Variants in GRIP1 observed in about 807,000 individuals in gnomAD.
GRIP1 encodes the protein glutamate receptor-interacting protein 1.
Under a neutral mutation model 129.9 loss-of-function variants are expected in GRIP1, and 45 were observed. The observed-to-expected ratio is 0.35, with a 90% confidence interval of 0.27 to 0.44. The LOEUF (loss-of-function observed/expected upper bound fraction) is 0.44. Ranked by LOEUF, GRIP1 falls within the 20% of genes least tolerant of loss-of-function variation. The pLI, the probability that GRIP1 is intolerant of heterozygous loss-of-function variation, is 1.00. For synonymous variants in GRIP1, 530 were observed against 520.8 expected, an observed-to-expected ratio of 1.02 and a Z score of -0.24; for missense variants, 1,196 against 1,396.8, an observed-to-expected ratio of 0.86 and a Z score of 2.29.
At chr12:66,779,883 T>A (rs1246835874) in intron 1 of GRIP1, among the ~76,000 whole-genome samples, 1 of 152,226 alleles carries the variant, frequency 6.6e-6, no homozygotes, top group Admixed American at 6.5e-5. Context: ...AAAATGATAT[T>A]TGCATATTAA....
chr12:66,935,957 T>C (rs552011719), intron 1 of GRIP1, among the ~76,000 whole-genome samples: 2 of 152,312 alleles, frequency 1.3e-5, no homozygotes, highest in South Asian at 2.1e-4. Flanking sequence ...GATTCAAATA[T>C]AGAAGTACAG....
intron 5 of GRIP1, among the ~76,000 whole-genome samples, chr12:66,524,373 C>T (rs1410907397): frequency 1.3e-5 from 2 of 152,188 alleles, no homozygotes; most frequent in African/African-American, 4.8e-5. Flanking sequence ...GATTAAGAAA[C>T]TCACTCAAAA....
At chr12:66,916,812 C>T (rs1422822822) in intron 1 of GRIP1, among the ~76,000 whole-genome samples, 1 of 152,112 alleles carries the variant, frequency 6.6e-6, no homozygotes, top group African/African-American at 2.4e-5. Flanking sequence ...TTGTATTATA[C>T]TCTTTTGCCT....
chr12:66,776,148 G>C (rs574662814), intron 1 of GRIP1, among the ~76,000 whole-genome samples: 5 of 152,200 alleles, frequency 3.3e-5, no homozygotes, highest in Non-Finnish European at 7.3e-5. Context: ...AGATGCCCAA[G>C]GCTACAGGCC....
intron 1 of GRIP1, among the ~76,000 whole-genome samples, chr12:66,902,571 C>T (rs780856952): frequency 7.2e-5 from 11 of 152,276 alleles, no homozygotes; most frequent in Non-Finnish European, 1.3e-4. Context: ...TGAAAACTGC[C>T]AGTTTCATTC....
intron 1 of GRIP1, among the ~76,000 whole-genome samples, chr12:66,754,358 T>G (rs2037218981): frequency 6.6e-6 from 1 of 152,218 alleles, no homozygotes; most frequent in African/African-American, 2.4e-5. Flanking sequence ...TTTGTAAGTC[T>G]TATGTGCCCA....
chr12:66,522,843 T>C (rs910115372), intron 5 of GRIP1, among the ~76,000 whole-genome samples: 1 of 152,096 alleles, frequency 6.6e-6, no homozygotes, highest in South Asian at 2.1e-4. Flanking sequence ...AAGGAGCTGA[T>C]GGAGCTGAAA....
At chr12:66,946,803 T>TG (rs1160685222) in intron 1 of GRIP1, among the ~76,000 whole-genome samples, 45 of 6,220 alleles carry the variant, frequency 7.2e-3, no homozygotes, top group African/African-American at 0.02. Context: ...GTGTGGGGGC[T>TG]GGGGGGGGCG....
At chr12:66,718,233 A>G (rs573115730) in intron 1 of GRIP1, among the ~76,000 whole-genome samples, 1 of 152,166 alleles carries the variant, frequency 6.6e-6, no homozygotes, top group African/African-American at 2.4e-5. Context: ...TCACCACTGG[A>G]TACATAAGTT....
chr12:66,374,310 C>T (rs1377464216), intron 22 of GRIP1, among the ~76,000 whole-genome samples: 1 of 152,076 alleles, frequency 6.6e-6, no homozygotes, highest in Non-Finnish European at 1.5e-5. Flanking sequence ...GCCTCAGCCT[C>T]CCAAGTAGCT....
intron 1 of GRIP1, among the ~76,000 whole-genome samples, chr12:67,030,293 T>C (rs2043003888): frequency 6.6e-6 from 1 of 151,398 alleles, no homozygotes; most frequent in African/African-American, 2.4e-5. Context: ...CCCTAAGACA[T>C]CAGAAAATTA....
chr12:66,977,170 C>A (rs2042164705), intron 1 of GRIP1, among the ~76,000 whole-genome samples: 1 of 150,352 alleles, frequency 6.7e-6, no homozygotes. Context: ...TTAGCATTCC[C>A]AAATCTGCCA....
At chr12:66,908,212 A>G (rs530307284) in intron 1 of GRIP1, among the ~76,000 whole-genome samples, 1 of 152,312 alleles carries the variant, frequency 6.6e-6, no homozygotes, top group South Asian at 2.1e-4. Flanking sequence ...TCTCAAAACC[A>G]ACAAGATGAG....
At chr12:66,712,566 C>T (rs371209301) in intron 1 of GRIP1, among the ~76,000 whole-genome samples, 28 of 152,026 alleles carry the variant, frequency 1.8e-4, no homozygotes, top group African/African-American at 6.0e-4. Flanking sequence ...TTGGCATAAA[C>T]ATTAAATGAA....
intron 1 of GRIP1, among the ~76,000 whole-genome samples, chr12:66,873,506 T>G (rs2040332166): frequency 6.6e-6 from 1 of 152,104 alleles, no homozygotes. Flanking sequence ...CTACATCTCC[T>G]ATAGATCTCG....
chr12:66,935,747 T>C (rs959424170), intron 1 of GRIP1, among the ~76,000 whole-genome samples: 1 of 152,088 alleles, frequency 6.6e-6, no homozygotes, highest in African/African-American at 2.4e-5. Context: ...GAATCGGAAG[T>C]GAGGTACAGA....
In GRIP1 at chr12:66,658,052, A is replaced by C. The variant is rs1390034778; in HGVS notation, c.55+20798T>G. 2.0e-5 allele frequency among the ~76,000 whole-genome samples: 3 copies of C among 152,334 alleles called. No homozygotes were observed. The East Asian group carries it at 5.8e-4, about 29-fold the overall frequency. ...AAACCCTTAAGGGGGAATTCTCTAC[A>C]TTTAAAGTGTACTTATTAGTGAAAG... On this transcript the variant is annotated intron_variant, in intron 1 of 24. Transcript: ENST00000359742.
intron 1 of GRIP1, among the ~76,000 whole-genome samples, chr12:66,936,282 C>T (rs556309859): frequency 3.9e-5 from 6 of 152,004 alleles, no homozygotes; most frequent in East Asian, 1.9e-4. Flanking sequence ...AAAAATCAGC[C>T]GAGCATGGTG....
intron 7 of GRIP1, among the ~76,000 whole-genome samples, chr12:66,478,664 G>C: frequency 6.6e-6 from 1 of 151,944 alleles, no homozygotes; most frequent in African/African-American, 2.4e-5. Flanking sequence ...TTAAGAAAAT[G>C]TGGCACATAT....
Sources: allele counts gnomAD v4.1 joint callset (sites outside exome capture counted in the v4.1 genomes callset), GRCh38; gene constraint gnomAD v4.1.1; transcripts MANE v1.5; gene names NCBI Gene and HGNC (gene_info 2026-07-23, HGNC 2026-07-21).